CRBN: variants seen among roughly 807,000 people sequenced by gnomAD.
The protein encoded by CRBN is cereblon, also known as protein cereblon.
CRBN carries 53 observed loss-of-function variants against 62.2 expected under a neutral mutation model. That is an observed-to-expected ratio of 0.85 (90% confidence interval 0.68 to 1.07). The LOEUF (loss-of-function observed/expected upper bound fraction) is 1.07. CRBN is among the 50% of genes least tolerant of loss of function. The pLI is 0.00. For synonymous variants in CRBN, 208 were observed against 176.1 expected (o/e 1.18, Z -1.43); for missense variants, 616 against 531.1 (o/e 1.16, Z -1.57).
chr3:3,161,633 C>T (rs1321601149), intron 5 of CRBN, among the ~76,000 whole-genome samples: 1 of 152,044 alleles, frequency 6.6e-6, no homozygotes, highest in African/African-American at 2.4e-5. Context: ...GTGATCCACC[C>T]GCCTCAGCCT....
chr3:3,152,143 T>C (rs1274340485), intron 10 of CRBN, among the ~76,000 whole-genome samples: 3 of 100,938 alleles, frequency 3.0e-5, no homozygotes, highest in African/African-American at 9.5e-5. Context: ...GAAGGACATT[T>C]AAATAAATTT....
chr3:3,167,858 T>A, intron 4 of CRBN, 65 bp from the exon 5 acceptor site: 1 of 1,483,148 alleles, frequency 6.7e-7, no homozygotes, highest in South Asian at 1.2e-5. Context: ...ACTATAAGTT[T>A]CTAAACAGTG....
intron 1 of CRBN, 129 bp downstream of exon 1, chr3:3,179,492 G>A (rs1281527505): frequency 2.4e-5 from 20 of 821,344 alleles, no homozygotes; most frequent in Non-Finnish European, 3.8e-5. Flanking sequence ...GCAGCTTTCC[G>A]GTGCGGCCCT....
intron 5 of CRBN, among the ~76,000 whole-genome samples, chr3:3,159,491 G>T (rs184844000): frequency 1.3e-5 from 2 of 152,220 alleles, no homozygotes; most frequent in South Asian, 2.1e-4. Flanking sequence ...TCAAGAAAAA[G>T]AATCTGAAAT....
chr3:3,150,733 C>G lies in CRBN; in HGVS notation c.*132G>C. ...ACAGTTTCACTTAGAAACTGCAACC[C>G]TCCAAGTAATGTTATGTTTACTTAG... On this transcript the variant is annotated 3_prime_UTR_variant, in exon 11 of 11. Transcript: ENST00000231948. The G allele has an allele frequency of 1.1e-6, 1 of 904,688 alleles. No homozygotes were observed. Among genetic ancestry groups the G allele is most frequent in the South Asian group, 1.7e-5 (1 of 59,716 alleles). The allele number at this position is 904,688 out of a possible 1,614,324, so 56.0% of individuals were successfully genotyped here.
At chr3:3,166,990 TTTC>T (rs1349047373) in intron 5 of CRBN, among the ~76,000 whole-genome samples, 1 of 152,054 alleles carries the variant, frequency 6.6e-6, no homozygotes, top group African/African-American at 2.4e-5. Context: ...TAGTAATCTT[TTTC>T]TTTAGGTAGC....
At chr3:3,157,561 T>TA (rs1321359000) in intron 5 of CRBN, among the ~76,000 whole-genome samples, 1 of 151,902 alleles carries the variant, frequency 6.6e-6, no homozygotes. Context: ...CGCTGAATGA[T>TA]ACTTACCCTA....
At chr3:3,157,458 A>G (rs1706945289) in intron 5 of CRBN, among the ~76,000 whole-genome samples, 2 of 152,222 alleles carry the variant, frequency 1.3e-5, no homozygotes, top group South Asian at 4.1e-4. Context: ...CTTTTAACAG[A>G]CCAGAACAAG....
At chr3:3,156,320 G>C in intron 5 of CRBN, 39 bp from the exon 6 acceptor site, 2 of 1,551,844 alleles carry the variant, frequency 1.3e-6, no homozygotes, top group Non-Finnish European at 1.8e-6. Flanking sequence ...AAACCCCACA[G>C]AATAAAGATT....
chr3:3,156,860 A>G (rs1706913009), intron 5 of CRBN: 1 of 152,882 alleles, frequency 6.5e-6, no homozygotes. Flanking sequence ...AAACAGGAGC[A>G]TGCCTAAGTC....
At chr3:3,151,431 A>G (rs1706541295) in intron 10 of CRBN, among the ~76,000 whole-genome samples, 1 of 152,224 alleles carries the variant, frequency 6.6e-6, no homozygotes, top group East Asian at 1.9e-4. Flanking sequence ...AATTACCTGC[A>G]GAAATAATGC....
chr3:3,169,792 A>G (rs1344849579), intron 4 of CRBN, among the ~76,000 whole-genome samples: 2 of 152,120 alleles, frequency 1.3e-5, no homozygotes, highest in Admixed American at 1.3e-4. Flanking sequence ...CAGGTAAGAG[A>G]TCTTCTCTTG....
In CRBN at chr3:3,150,840, A is replaced by ATAAC. The variant is rs4183; in HGVS notation, c.*21_*24dup. 980,832 of 1,601,088 alleles carry ATAAC rather than the reference A, an allele frequency of 0.61. 313,500 individuals are homozygous for ATAAC. Among genetic ancestry groups the ATAAC allele is most frequent in the Middle Eastern group, 0.69 (4,155 of 6,030 alleles). On this transcript the variant is annotated 3_prime_UTR_variant, in exon 11 of 11. Transcript: ENST00000231948. ...TCTTAGAATATAACCAATTTGTTAG[A>ATAAC]TAACTTTATCTCTATCACATCTGTT...
Position 3,150,518 on chromosome 3 carries a change from ATTTT to A in CRBN, c.*343_*346del, listed in dbSNP as rs11320492. 2 of 186,010 alleles carry A rather than the reference ATTTT, an allele frequency of 1.1e-5. No individual in the cohort carries two copies. Among genetic ancestry groups the A allele is most frequent in the Non-Finnish European group, 2.2e-5 (2 of 89,912 alleles). 11.5% of individuals were successfully genotyped at this position (186,010 alleles called of 1,614,324 possible). A position where few individuals can be genotyped will look rare whatever the true frequency, so the allele number is the denominator to read the frequency against. On this transcript the variant is annotated 3_prime_UTR_variant, in exon 11 of 11. Transcript: ENST00000231948. Reference sequence around the variant, plus strand: ...CAGTTTCACATTGTAGGAATTTAAGATTTTTTTTTTTTTTAACACAGGAAATAAT... The same window carrying A: ...CAGTTTCACATTGTAGGAATTTAAGATTTTTTTTTTAACACAGGAAATAAT...
In CRBN at chr3:3,153,441, G is replaced by GGTT; in HGVS notation, c.996_998dup (p.Thr333dup). The GGTT allele has an allele frequency of 6.4e-7, 1 of 1,558,210 alleles. No homozygotes were observed. Among genetic ancestry groups the GGTT allele is most frequent in the East Asian group, 2.2e-5 (1 of 44,466 alleles). ...GACCTTACCTGAATATTTCATTTTT[G>GGTT]GTTGTTATTTCTGTTTCTTGACATT... On this transcript the variant is annotated inframe_insertion, in exon 9 of 11. Transcript: ENST00000231948.
intron 4 of CRBN, among the ~76,000 whole-genome samples, chr3:3,171,050 C>T (rs1707588024): frequency 6.6e-6 from 1 of 152,150 alleles, no homozygotes; most frequent in African/African-American, 2.4e-5. Flanking sequence ...GGTGATCGTC[C>T]TGCCTTGGCC....
downstream of CRBN, chr3:3,149,851 G>T (rs1295594521): frequency 1.3e-5 from 2 of 152,230 alleles, no homozygotes; most frequent in African/African-American, 4.8e-5. Flanking sequence ...TAGTTTTAAA[G>T]TAGCAAAGGA....
At position 3,152,521 on chromosome 3, in the gene CRBN, A is replaced by T. The variant is rs145426456; in HGVS notation, c.1083T>A (p.Thr361=). 21 of 1,613,972 alleles carry T rather than the reference A, an allele frequency of 1.3e-5. No individual in the cohort carries two copies. The highest frequency in any genetic ancestry group is 1.8e-5 in the Non-Finnish European group (21 of 1,179,958). ...NPHGYVHETL[T]VYKACNLNLI... is the part of the protein sequence containing the mutation. ...GATTCAAGTTGCAAGCCTTATACAC[A>T]GTAAGTGTCTCATGCACATATCCAT... The change falls in exon 10 of 11, where the codon ACT becomes ACA. Residue 361 remains threonine, a synonymous_variant. Transcript: ENST00000231948.
intron 4 of CRBN, among the ~76,000 whole-genome samples, chr3:3,171,052 G>A (rs1001827969): frequency 1.2e-4 from 18 of 152,250 alleles, no homozygotes; most frequent in Admixed American, 5.9e-4. Context: ...TGATCGTCCT[G>A]CCTTGGCCTC....
Sources: gnomAD v4.1 joint callset for allele counts (sites outside exome capture counted in the v4.1 genomes callset) on GRCh38, gnomAD v4.1.1 for gene constraint, MANE v1.5 for transcripts, NCBI Gene and HGNC (gene_info 2026-07-23, HGNC 2026-07-21) for gene names.